Variants in MED13L observed in about 807,000 individuals in gnomAD.
The protein encoded by MED13L is mediator of RNA polymerase II transcription subunit 13-like.
Under a neutral mutation model 220.9 loss-of-function variants are expected in MED13L, and 7 were observed. That is an observed-to-expected ratio of 0.03 (90% confidence interval 0.02 to 0.06). The LOEUF is 0.06. MED13L is among the 10% of genes least tolerant of loss of function. MED13L has a pLI of 1.00. For missense variants in MED13L, 1,965 were observed against 2,760.5 expected, an observed-to-expected ratio of 0.71 and a Z score of 6.46; for synonymous variants, 1,011 against 1,015.2, an observed-to-expected ratio of 1.00 and a Z score of 0.08.
chr12:116,187,453 T>C (rs1880971799), intron 2 of MED13L, among the ~76,000 whole-genome samples: 1 of 152,214 alleles, frequency 6.6e-6, no homozygotes, highest in Non-Finnish European at 1.5e-5. Context: ...TCTTCCAGTA[T>C]CATGGTTTAA....
At chr12:116,122,316 G>A (rs1875171918) in intron 2 of MED13L, among the ~76,000 whole-genome samples, 1 of 152,108 alleles carries the variant, frequency 6.6e-6, no homozygotes, top group African/African-American at 2.4e-5. Context: ...ATGAAATATA[G>A]CACTTCACAC....
intron 4 of MED13L, among the ~76,000 whole-genome samples, chr12:116,032,674 T>G (rs930020739): frequency 6.6e-6 from 1 of 152,224 alleles, no homozygotes; most frequent in Non-Finnish European, 1.5e-5. Flanking sequence ...TCATCAAGAC[T>G]GTTCTTCCTG....
At chr12:116,006,521 A>G (rs1592939690) in intron 11 of MED13L, 110 bp from the exon 12 acceptor site, 2 of 860,284 alleles carry the variant, frequency 2.3e-6, no homozygotes, top group East Asian at 2.5e-5. Context: ...TATGAGCACA[A>G]GTATGATAAA....
At chr12:116,002,535 A>C (rs977031208) in intron 14 of MED13L, among the ~76,000 whole-genome samples, 1 of 152,212 alleles carries the variant, frequency 6.6e-6, no homozygotes, top group Non-Finnish European at 1.5e-5. Flanking sequence ...TGGTAAAACT[A>C]GTTGATCTCA....
intron 4 of MED13L, among the ~76,000 whole-genome samples, chr12:116,065,304 G>A (rs558512045): frequency 3.0e-4 from 46 of 152,164 alleles, no homozygotes; most frequent in African/African-American, 1.0e-3. Context: ...TACATGTATG[G>A]TATGCTCTTA....
intron 2 of MED13L, among the ~76,000 whole-genome samples, chr12:116,124,405 T>C (rs1875401958): frequency 1.3e-5 from 2 of 152,212 alleles, no homozygotes; most frequent in South Asian, 4.1e-4. Context: ...GAAACAGTAA[T>C]GACTATTGGT....
intron 4 of MED13L, among the ~76,000 whole-genome samples, chr12:116,032,825 A>G (rs1880934902): frequency 6.6e-6 from 1 of 152,138 alleles, no homozygotes; most frequent in Admixed American, 6.5e-5. Context: ...CTCTCTCTAC[A>G]TTATGTTCTT....
intron 2 of MED13L, among the ~76,000 whole-genome samples, chr12:116,194,932 G>A (rs1375715233): frequency 6.6e-6 from 1 of 152,144 alleles, no homozygotes; most frequent in African/African-American, 2.4e-5. Flanking sequence ...TGGGCAGAAG[G>A]TATAGGGCTG....
intron 2 of MED13L, among the ~76,000 whole-genome samples, chr12:116,136,540 CA>C (rs1203957617): frequency 2.0e-5 from 3 of 152,104 alleles, no homozygotes; most frequent in Non-Finnish European, 4.4e-5. Flanking sequence ...TACAGCATTT[CA>C]AACAAGAGGA....
chr12:116,203,154 G>T lies in MED13L; in HGVS notation c.310+34314C>A, dbSNP rs541818907. 5.9e-5 allele frequency among the ~76,000 whole-genome samples: 9 copies of T among 152,260 alleles called. No individual in the cohort carries two copies. In the South Asian group the frequency reaches 1.2e-3, roughly 21 times the overall value. ...TCTCGAGTTTCATCAAAGTGCCTCA[G>T]AGACCTCAAGACAAATGTCTCCACA... On this transcript the variant is annotated intron_variant, in intron 2 of 30. Coordinates refer to ENST00000281928, the MANE Select transcript of MED13L (RefSeq NM_015335.5).
At chr12:116,110,304 T>C (rs527321107) in intron 3 of MED13L, 2 of 151,986 alleles carry the variant, frequency 1.3e-5, no homozygotes, top group Admixed American at 1.3e-4. Flanking sequence ...AAAAATCAAC[T>C]ATAATCCATT....
At chr12:116,182,845 G>A (rs1009317629) in intron 2 of MED13L, among the ~76,000 whole-genome samples, 1 of 152,032 alleles carries the variant, frequency 6.6e-6, no homozygotes, top group Non-Finnish European at 1.5e-5. Flanking sequence ...GTTCCTGCAG[G>A]ACACTTCCAG....
At chr12:116,249,037 A>G (rs1486950907) in intron 1 of MED13L, among the ~76,000 whole-genome samples, 1 of 152,234 alleles carries the variant, frequency 6.6e-6, no homozygotes, top group Non-Finnish European at 1.5e-5. Context: ...AAAAAGCTCC[A>G]AAGATCTGAT....
chr12:116,055,309 CAATAAAAAGATTT>C (rs1216067810), intron 4 of MED13L, among the ~76,000 whole-genome samples: 2 of 152,018 alleles, frequency 1.3e-5, no homozygotes, highest in Non-Finnish European at 2.9e-5. Flanking sequence ...TTGTATATTT[CAATAAAAAGATTT>C]AAAAAATAAT....
intron 4 of MED13L, among the ~76,000 whole-genome samples, chr12:116,069,467 A>G (rs1218047051): frequency 6.6e-6 from 1 of 152,204 alleles, no homozygotes; most frequent in African/African-American, 2.4e-5. Flanking sequence ...TTTAAGTATT[A>G]GGCAGATGAA....
intron 2 of MED13L, among the ~76,000 whole-genome samples, chr12:116,157,853 G>T (rs917698464): frequency 6.6e-5 from 10 of 152,146 alleles, no homozygotes; most frequent in Non-Finnish European, 1.5e-4. Flanking sequence ...TATCAATACT[G>T]AGCCCTTAGT....
chr12:116,059,623 G>T (rs1338749012), intron 4 of MED13L, among the ~76,000 whole-genome samples: 5 of 151,974 alleles, frequency 3.3e-5, no homozygotes, highest in Admixed American at 2.6e-4. Context: ...TCACCAGGCT[G>T]GCCAGGCTGG....
chr12:115,974,520 C>T (rs941934839), intron 25 of MED13L, among the ~76,000 whole-genome samples: 4 of 152,200 alleles, frequency 2.6e-5, no homozygotes, highest in Non-Finnish European at 4.4e-5. Context: ...CCAGGCAAGG[C>T]AGCTGCTGGT....
At chr12:116,168,301 G>C (rs752852786) in intron 2 of MED13L, among the ~76,000 whole-genome samples, 1 of 151,118 alleles carries the variant, frequency 6.6e-6, no homozygotes, top group Admixed American at 6.6e-5. Context: ...TCCACGAATA[G>C]TGTCTTGTGC....
Sources: allele counts gnomAD v4.1 joint callset (sites outside exome capture counted in the v4.1 genomes callset), GRCh38; gene constraint gnomAD v4.1.1; transcripts MANE v1.5; gene names NCBI Gene and HGNC (gene_info 2026-07-23, HGNC 2026-07-21).